Variants in INPP4B observed in about 807,000 individuals in gnomAD.
INPP4B encodes the protein inositol polyphosphate 4-phosphatase type II.
INPP4B carries 55 observed loss-of-function variants against 122.5 expected under a neutral mutation model. That is an observed-to-expected ratio of 0.45 (90% CI 0.36 to 0.56). The LOEUF is 0.56. Among genes scored for constraint, INPP4B ranks in the 20% least tolerant of loss-of-function variants. The pLI, the probability that INPP4B is intolerant of heterozygous loss-of-function variation, is 0.00. For missense variants in INPP4B, 1,000 were observed against 1,097.7 expected (o/e 0.91, Z 1.26); for synonymous variants, 403 against 388.7 (o/e 1.04, Z -0.43).
chr4:142,117,578 T>C (rs1232206323), intron 21 of INPP4B, among the ~76,000 whole-genome samples: 2 of 152,076 alleles, frequency 1.3e-5, no homozygotes, highest in African/African-American at 4.8e-5. Flanking sequence ...ACTATCTCAA[T>C]AGATGCAGAA....
At position 142,115,151 on chromosome 4, in the gene INPP4B, T is replaced by C. The variant is rs376124637; in HGVS notation, c.2136-2469A>G. 7.7e-4 allele frequency among the ~76,000 whole-genome samples: 117 copies of C among 152,202 alleles called. 1 individual carries two copies. The highest frequency in any genetic ancestry group is 2.7e-3 in the African/African-American group (112 of 41,544). Reference sequence around the variant, plus strand: ...AAACCAACAAAGCCTCCAAGAAATATGGGACTATGTGAAAAGACCAAATCT... The same window carrying C: ...AAACCAACAAAGCCTCCAAGAAATACGGGACTATGTGAAAAGACCAAATCT... On this transcript the variant is annotated intron_variant, in intron 21 of 25. Coordinates refer to ENST00000262992, the MANE Select transcript of INPP4B (RefSeq NM_001101669.3).
intron 21 of INPP4B, among the ~76,000 whole-genome samples, chr4:142,115,464 T>C (rs138844570): frequency 0.13 from 20,233 of 152,154 alleles, 1,516 homozygotes; most frequent in East Asian, 0.23. Context: ...GCAGATCTCT[T>C]GGCAGAAACT....
chr4:142,428,838 C>T (rs1808669238), intron 5 of INPP4B, among the ~76,000 whole-genome samples: 1 of 151,812 alleles, frequency 6.6e-6, no homozygotes, highest in African/African-American at 2.4e-5. Context: ...GTCTCCAGTC[C>T]AGGTATAGAA....
At chr4:142,553,891 T>C (rs1275822105) in intron 2 of INPP4B, among the ~76,000 whole-genome samples, 1 of 152,148 alleles carries the variant, frequency 6.6e-6, no homozygotes, top group Non-Finnish European at 1.5e-5. Flanking sequence ...CTTATTCCAC[T>C]AGCTAAACAG....
chr4:142,819,095 A>G (rs1337363827), intron 1 of INPP4B, among the ~76,000 whole-genome samples: 1 of 152,204 alleles, frequency 6.6e-6, no homozygotes, highest in Non-Finnish European at 1.5e-5. Flanking sequence ...CCTAGAAGGA[A>G]GAGAAGCCCG....
chr4:142,442,141 G>T (rs910964527), intron 3 of INPP4B, among the ~76,000 whole-genome samples: 3 of 152,010 alleles, frequency 2.0e-5, no homozygotes, highest in Admixed American at 1.3e-4. Context: ...AGGCACGGTG[G>T]CTCACGCCTA....
intron 1 of INPP4B, among the ~76,000 whole-genome samples, chr4:142,764,759 A>T (rs913967176): frequency 6.6e-6 from 1 of 152,008 alleles, no homozygotes. Flanking sequence ...TACTCTGAAG[A>T]CAAGAGACCC....
chr4:142,826,299 C>A (rs546513090), intron 1 of INPP4B, among the ~76,000 whole-genome samples: 20 of 152,180 alleles, frequency 1.3e-4, no homozygotes, highest in African/African-American at 4.6e-4. Flanking sequence ...AGGCCATGTT[C>A]TTCGTTTTTA....
intron 25 of INPP4B, among the ~76,000 whole-genome samples, chr4:142,065,791 T>C (rs1274420532): frequency 6.6e-6 from 1 of 152,130 alleles, no homozygotes; most frequent in Non-Finnish European, 1.5e-5. Context: ...TACTAAAAAC[T>C]ACTGCATTGT....
chr4:142,229,536 A>T (rs1450518086), intron 12 of INPP4B, among the ~76,000 whole-genome samples: 2 of 152,132 alleles, frequency 1.3e-5, no homozygotes, highest in Non-Finnish European at 2.9e-5. Context: ...AATCTAAAAG[A>T]TTATACACAT....
chr4:142,589,335 C>T (rs1736928235), intron 2 of INPP4B, among the ~76,000 whole-genome samples: 1 of 151,960 alleles, frequency 6.6e-6, no homozygotes, highest in Non-Finnish European at 1.5e-5. Context: ...CTGCAAAAGA[C>T]ACTATTAAGG....
At chr4:142,041,575 G>T (rs181784656) in intron 25 of INPP4B, among the ~76,000 whole-genome samples, 191 of 152,108 alleles carry the variant, frequency 1.3e-3, no homozygotes, top group African/African-American at 4.3e-3. Flanking sequence ...CCGAGATCAG[G>T]TCATTGCACT....
At chr4:142,587,959 T>C (rs1433832341) in intron 2 of INPP4B, among the ~76,000 whole-genome samples, 1 of 151,958 alleles carries the variant, frequency 6.6e-6, no homozygotes, top group African/African-American at 2.4e-5. Flanking sequence ...GAATATCATA[T>C]CTAACTATGT....
At chr4:142,684,721 CT>C (rs1188479800) in intron 2 of INPP4B, among the ~76,000 whole-genome samples, 1 of 151,900 alleles carries the variant, frequency 6.6e-6, no homozygotes, top group Non-Finnish European at 1.5e-5. Flanking sequence ...AAAAGGTATC[CT>C]TGATATTTAG....
rs543042729 is a variant in INPP4B at position 142,316,763 on chromosome 4, G to C, written c.373-2001C>G. Among the ~76,000 whole-genome samples the C allele has an allele frequency of 1.5e-4, 23 of 152,126 alleles. 2 individuals carry two copies. In the South Asian group the frequency reaches 4.8e-3, roughly 32 times the overall value. The stretch of plus-strand genomic sequence containing the variant: ...ATATAAAAGTATGTGTTTTAATATT[G>C]GACAAAGGTAGAAAATTTTTGACAA... On this transcript the variant is annotated intron_variant, in intron 7 of 25. Transcript: ENST00000262992.
chr4:142,558,266 T>C (rs1381700312), intron 2 of INPP4B, among the ~76,000 whole-genome samples: 2 of 152,148 alleles, frequency 1.3e-5, no homozygotes, highest in Non-Finnish European at 2.9e-5. Flanking sequence ...TTTTGTCTGT[T>C]GTGGCTTGAC....
intron 2 of INPP4B, among the ~76,000 whole-genome samples, chr4:142,616,269 T>C (rs530548999): frequency 2.0e-5 from 3 of 152,130 alleles, no homozygotes; most frequent in South Asian, 2.1e-4. Flanking sequence ...CCCAGTTATT[T>C]GATGAGATTC....
At chr4:142,844,620 G>A (rs9994364) in intron 1 of INPP4B, among the ~76,000 whole-genome samples, 53,235 of 152,130 alleles carry the variant, frequency 0.35, 9,500 homozygotes, top group South Asian at 0.48. Context: ...GCATCAATGC[G>A]TAAAGGAGAG....
At chr4:142,416,592 GAAGT>G (rs1456169702) in intron 5 of INPP4B, among the ~76,000 whole-genome samples, 2 of 152,074 alleles carry the variant, frequency 1.3e-5, no homozygotes, top group African/African-American at 2.4e-5. Context: ...GACAGATTAG[GAAGT>G]AAGAGGAATA....
Sources: gnomAD v4.1 joint callset for allele counts (sites outside exome capture counted in the v4.1 genomes callset) on GRCh38, gnomAD v4.1.1 for gene constraint, MANE v1.5 for transcripts, NCBI Gene and HGNC (gene_info 2026-07-23, HGNC 2026-07-21) for gene names.